Variants in TOP2A observed in about 807,000 individuals in gnomAD.
The protein encoded by TOP2A is DNA topoisomerase II alpha, also known as DNA topoisomerase 2-alpha.
Under a neutral mutation model 187.2 loss-of-function variants are expected in TOP2A, and 68 were observed. The observed-to-expected ratio is 0.36, with a 90% CI of 0.30 to 0.44. The LOEUF is 0.44. Ranked by LOEUF, TOP2A falls within the 20% of genes least tolerant of loss-of-function variation. The pLI is 1.00. For synonymous variants in TOP2A, 542 were observed against 593.2 expected (o/e 0.91, Z 1.25); for missense variants, 1,196 against 1,808.7 (o/e 0.66, Z 6.14).
rs754126407 is a variant in TOP2A, at chr17:40,411,426, A to G, written c.993T>C (p.Asp331=). 1 of 1,613,894 alleles carries G rather than the reference A, an allele frequency of 6.2e-7. No homozygotes were observed. Among genetic ancestry groups the G allele is most frequent in the South Asian group, 1.1e-5 (1 of 91,082 alleles). Residue 331 remains aspartate (D), a synonymous_variant, in exon 9 of 35, where the codon GAT becomes GAC. Coordinates refer to ENST00000423485, the MANE Select transcript of TOP2A (RefSeq NM_001067.4). This position sits in a 1 kb window ranked among gnomAD's most constrained non-coding sequence, Gnocchi z 4.4. ...KGGRHVDYVA[D]QIVTKLVDVV... is the part of the protein sequence containing the mutation. ...CATCAACAAGTTTAGTCACAATCTG[A>G]TCAGCTACATAATCAACATGTCTGC...
chr17:40,416,832 A>G lies in TOP2A; in HGVS notation c.85T>C (p.Ser29Pro), dbSNP rs2035395393. Residue 29 changes from serine (S) to proline (P), a missense_variant, in exon 2 of 35, where the codon TCT (serine) becomes CCT (proline). Physicochemically the swap from Ser to Pro is moderately conservative, Grantham distance 74 (BLOSUM62 -1). This residue lies in a region of TOP2A where 97 missense variants were observed against 171.0 expected (regional missense o/e 0.57). Transcript: ENST00000423485. ...KKNEDAKKRL[S>P]VERIYQKKTQ... is the part of the protein sequence containing the mutation. Reference sequence around the variant, plus strand: ...TTCTTTTGATAGATTCTTTCAACAGACAGTCTTTTCTTAGCATCTTCATTT... The same window carrying G: ...TTCTTTTGATAGATTCTTTCAACAGGCAGTCTTTTCTTAGCATCTTCATTT... The G allele has an allele frequency of 2.5e-6, 4 of 1,613,038 alleles. No homozygotes were observed. Among genetic ancestry groups the G allele is most frequent in the East Asian group, 2.2e-5 (1 of 44,836 alleles).
chr17:40,416,535 CT>C, intron 2 of TOP2A, 23 bp from the exon 3 acceptor site: 1 of 1,525,752 alleles, frequency 6.6e-7, no homozygotes, highest in Non-Finnish European at 9.0e-7. Flanking sequence ...CAAAGAAATA[CT>C]GTTATTTTTA....
At position 40,410,600 on chromosome 17, in the gene TOP2A, G is replaced by A. The variant is rs1256841443; in HGVS notation, c.1203+509C>T. 6.6e-6 allele frequency: 3 copies of A among 456,096 alleles called. No individual in the cohort carries two copies. The Admixed American group carries it at 7.1e-5, about 11-fold the overall frequency. The allele number at this position is 456,096 out of a possible 1,614,324, so 28.3% of individuals were successfully genotyped here. On this transcript the variant is annotated intron_variant, in intron 10 of 34. Transcript: ENST00000423485. ...TGTAGTAAACCAAAAAAGAGATAATGGTGAGAAGCTACTGCAGCATCCAAG... is the reference window on the plus strand; with the variant it reads ...TGTAGTAAACCAAAAAAGAGATAATAGTGAGAAGCTACTGCAGCATCCAAG...
Position 40,406,991 on chromosome 17 carries a change from T to C in TOP2A, c.1627-49A>G, listed in dbSNP as rs371066327. 6.8e-5 allele frequency: 97 copies of C among 1,435,968 alleles called. No individual in the cohort carries two copies. The African/African-American group carries it at 1.1e-3, about 16-fold the overall frequency. The allele number at this position is 1,435,968 out of a possible 1,614,324, so 89.0% of individuals were successfully genotyped here. The stretch of plus-strand genomic sequence containing the variant: ...TTCAAAAGAACTGTTAGGCTGGGCG[T>C]GGTAGCTAACATCTGTAATCCCAGA... On this transcript the variant is annotated intron_variant, in intron 13 of 34. Transcript: ENST00000423485.
At chr17:40,412,447 C>A (rs1280580958) in intron 7 of TOP2A, among the ~76,000 whole-genome samples, 1 of 152,132 alleles carries the variant, frequency 6.6e-6, no homozygotes. Flanking sequence ...TGTTCGAGAC[C>A]AGCCTGGCCA....
Position 40,395,500 on chromosome 17 carries a change from CCA to C in TOP2A, c.3758_3759del (p.Val1253GlyfsTer30), listed in dbSNP as rs1432122272. ...AATCTTTGTTTTAGGCCTTCTAGTT[CCA>C]CACCATCTTCTTGAGGGCTTCCTTC... is the stretch of plus-strand genomic sequence containing the variant. ...NTEGSPQEDG[V>X]ELEGLKQRLE... is the part of the protein sequence containing the mutation. On this transcript the variant is annotated frameshift_variant, in exon 29 of 35. Transcript: ENST00000423485. LOFTEE classifies it high-confidence loss of function. 6.2e-7 allele frequency: 1 copy of C among 1,612,292 alleles called. No individual in the cohort carries two copies. Among genetic ancestry groups the C allele is most frequent in the South Asian group, 1.1e-5 (1 of 90,884 alleles).
At chr17:40,409,194 CAAAAAAAAAAA>C (rs35266834) in intron 10 of TOP2A, 2 of 73,152 alleles carry the variant, frequency 2.7e-5, no homozygotes, top group South Asian at 8.9e-5. Context: ...AACTCCGTCT[CAAAAAAAAAAA>C]AAAAAAAAAA....
At chr17:40,405,049 G>A (rs1259640890) in intron 16 of TOP2A, among the ~76,000 whole-genome samples, 166 bp from the exon 17 acceptor site, 1 of 151,418 alleles carries the variant, frequency 6.6e-6, no homozygotes, top group East Asian at 1.9e-4. Flanking sequence ...GAGTGCAATG[G>A]TGTCATCTTG....
intron 17 of TOP2A, 123 bp downstream of exon 17, chr17:40,404,668 C>T: frequency 1.3e-6 from 1 of 766,500 alleles, no homozygotes; most frequent in South Asian, 1.7e-5. Flanking sequence ...TTAACTGCTG[C>T]ACAACTCTAT....
intron 27 of TOP2A, among the ~76,000 whole-genome samples, 194 bp downstream of exon 27, chr17:40,398,363 CA>C (rs200417552): frequency 0.015 from 2,307 of 152,226 alleles, 27 homozygotes; most frequent in Non-Finnish European, 0.023. Flanking sequence ...CTCAGCCTTC[CA>C]AAATGCTGGG....
rs1362933604 is a variant in TOP2A, at chr17:40,416,498, G to A, written c.192C>T (p.Tyr64=). ...TATAGTTAATGCCAACATCTTCATC[G>A]TAAACCCACATTTGCTAGAAATAAG... is the stretch of plus-strand genomic sequence containing the variant. ...VELVTQQMWV[Y]DEDVGINYRE... is the part of the protein sequence containing the mutation. The change falls in exon 3 of 35, where the codon TAC becomes TAT. Residue 64 remains tyrosine (Y), a synonymous_variant. Transcript: ENST00000423485. The A allele has an allele frequency of 5.0e-6, 8 of 1,601,944 alleles. No homozygotes were observed. Among genetic ancestry groups the A allele is most frequent in the Admixed American group, 3.4e-5 (2 of 58,274 alleles).
rs538934976 is a variant in TOP2A, at chr17:40,416,072, A to G, written c.269-4T>C. The G allele has an allele frequency of 3.2e-6, 5 of 1,548,322 alleles. No homozygotes were observed. The East Asian group carries it at 1.2e-4, about 36-fold the overall frequency. On this transcript the variant is annotated splice_polypyrimidine_tract_variant and splice_region_variant and intron_variant, in intron 3 of 34. Coordinates refer to ENST00000423485, the MANE Select transcript of TOP2A (RefSeq NM_001067.4). ...TGTTTGTTGTCCGCAGCATTAACTG[A>G]AAGAAAATAAAATATACATTTGTAA...
chr17:40,411,857 T>C lies in TOP2A; in HGVS notation c.790-39A>G, dbSNP rs775792908. Reference sequence around the variant, plus strand: ...AAAGGTAACAGTATTAAGAAAGTTATTAAAAAATAGGTTCAATGATAGACT... The same window carrying C: ...AAAGGTAACAGTATTAAGAAAGTTACTAAAAAATAGGTTCAATGATAGACT... On this transcript the variant is annotated intron_variant, in intron 7 of 34. Transcript: ENST00000423485. This position sits in a 1 kb window ranked among gnomAD's most constrained non-coding sequence, Gnocchi z 4.4. 2 of 1,505,006 alleles carry C rather than the reference T, an allele frequency of 1.3e-6. No individual in the cohort carries two copies. Among genetic ancestry groups the C allele is most frequent in the Admixed American group, 4.6e-5 (2 of 43,316 alleles). The allele number at this position is 1,505,006 out of a possible 1,614,324, so 93.2% of individuals were successfully genotyped here.
intron 34 of TOP2A, 141 bp downstream of exon 34, chr17:40,389,824 T>TA: frequency 8.0e-7 from 1 of 1,248,140 alleles, no homozygotes; most frequent in Non-Finnish European, 1.1e-6. Flanking sequence ...TTAACTTTGT[T>TA]AAAACTAAAT....
At chr17:40,416,682 AAAG>A (rs1249214430) in intron 2 of TOP2A, 55 bp downstream of exon 2, 1 of 1,572,590 alleles carries the variant, frequency 6.4e-7, no homozygotes, top group Admixed American at 1.8e-5. Flanking sequence ...AAAGGTACAG[AAAG>A]AAGAGTATCC....
intron 19 of TOP2A, 107 bp from the exon 20 acceptor site, chr17:40,403,161 G>C (rs2035202038): frequency 1.8e-6 from 2 of 1,095,844 alleles, no homozygotes; most frequent in East Asian, 5.4e-5. Context: ...TAGTTGTTTA[G>C]TGACTTTCCT....
chr17:40,403,027 A>G lies in TOP2A; in HGVS notation c.2311T>C (p.Leu771=), dbSNP rs757961716. Residue 771 remains leucine, a synonymous_variant, in exon 20 of 35, where the codon TTG becomes CTG. Coordinates refer to ENST00000423485, the MANE Select transcript of TOP2A (RefSeq NM_001067.4). The part of the protein sequence containing the change: ...EMSLMMTIIN[L]AQNFVGSNNL... Reference sequence around the variant, plus strand: ...TTGCTACCCACAAAATTCTGAGCCAAATTGATAATGGTCATCATTAGTGAC... The same window carrying G: ...TTGCTACCCACAAAATTCTGAGCCAGATTGATAATGGTCATCATTAGTGAC... The G allele has an allele frequency of 1.9e-6, 3 of 1,600,840 alleles. No homozygotes were observed. Among genetic ancestry groups the G allele is most frequent in the Admixed American group, 3.4e-5 (2 of 57,974 alleles).
At chr17:40,396,170 A>T in intron 28 of TOP2A, 113 bp downstream of exon 28, 1 of 572,778 alleles carries the variant, frequency 1.7e-6, no homozygotes, top group Non-Finnish European at 3.0e-6. Context: ...TAGTAGAGAC[A>T]GGGTTTCAAC....
chr17:40,407,396 A>G (rs1167171846), intron 13 of TOP2A, among the ~76,000 whole-genome samples, 153 bp downstream of exon 13: 6 of 152,264 alleles, frequency 3.9e-5, no homozygotes, highest in Non-Finnish European at 8.8e-5. Flanking sequence ...TGCAACATAC[A>G]TATGATATAA....
Sources: gnomAD v4.1 joint callset for allele counts (sites outside exome capture counted in the v4.1 genomes callset) on GRCh38, gnomAD v4.1.1 for gene constraint, gnomAD v4.1.1 regional missense constraint, Gnocchi (gnomAD v3.1) non-coding constraint, MANE v1.5 for transcripts, NCBI Gene and HGNC (gene_info 2026-07-23, HGNC 2026-07-21) for gene names.